Variants in PLCE1 observed in about 807,000 individuals in gnomAD.
PLCE1 encodes phospholipase C epsilon 1.
Under a neutral mutation model 242.8 loss-of-function variants are expected in PLCE1, and 119 were observed. The observed-to-expected ratio is 0.49, with a 90% confidence interval of 0.42 to 0.57. The LOEUF (loss-of-function observed/expected upper bound fraction) is 0.57, where lower values mean the gene tolerates loss of function less well. PLCE1 is among the 20% of genes least tolerant of loss of function. The pLI is 0.00. For missense variants in PLCE1, 2,441 were observed against 2,788.8 expected (o/e 0.88, Z 2.81); for synonymous variants, 945 against 1,017.4 (o/e 0.93, Z 1.35).
At chr10:94,264,604 C>A (rs1417922815) in intron 14 of PLCE1, among the ~76,000 whole-genome samples, 1 of 147,880 alleles carries the variant, frequency 6.8e-6, no homozygotes, top group Non-Finnish European at 1.5e-5. Flanking sequence ...TCACTGCAAC[C>A]TCCGCCTCCC....
chr10:94,320,262 CT>C (rs1194674814), intron 29 of PLCE1, among the ~76,000 whole-genome samples: 2 of 152,006 alleles, frequency 1.3e-5, no homozygotes, highest in Non-Finnish European at 2.9e-5. Context: ...TCTTCCCCCC[CT>C]TCCATTATAT....
chr10:94,158,422 G>A (rs545866602), intron 3 of PLCE1, among the ~76,000 whole-genome samples: 2 of 152,226 alleles, frequency 1.3e-5, no homozygotes, highest in African/African-American at 4.8e-5. Context: ...AATGTAATCA[G>A]AAATAGATGA....
intron 5 of PLCE1, among the ~76,000 whole-genome samples, chr10:94,230,555 C>A (rs1011392132): frequency 6.6e-6 from 1 of 151,812 alleles, no homozygotes; most frequent in African/African-American, 2.4e-5. Flanking sequence ...TAACTCCTGA[C>A]CTCAAGTGAT....
At chr10:94,317,957 TAGA>T (rs1157471276) in intron 29 of PLCE1, among the ~76,000 whole-genome samples, 1 of 152,326 alleles carries the variant, frequency 6.6e-6, no homozygotes, top group Middle Eastern at 3.4e-3. Context: ...GCTTGCCTGA[TAGA>T]AGGTGCCTCA....
intron 1 of PLCE1, among the ~76,000 whole-genome samples, chr10:94,012,256 A>G (rs1478000826): frequency 6.6e-6 from 1 of 151,468 alleles, no homozygotes; most frequent in Non-Finnish European, 1.5e-5. Flanking sequence ...AGCACAGGGA[A>G]CTCTGGTTTA....
intron 4 of PLCE1, among the ~76,000 whole-genome samples, chr10:94,187,826 G>A (rs1185899864): frequency 6.6e-6 from 1 of 152,160 alleles, no homozygotes; most frequent in African/African-American, 2.4e-5. Context: ...CTCATACTTT[G>A]AAAGTTAGAC....
intron 23 of PLCE1, among the ~76,000 whole-genome samples, chr10:94,295,778 C>T (rs763415722): frequency 3.9e-5 from 6 of 152,186 alleles, no homozygotes; most frequent in Non-Finnish European, 5.9e-5. Context: ...AGACTGGATA[C>T]TGTGTTAGCA....
intron 4 of PLCE1, among the ~76,000 whole-genome samples, chr10:94,190,386 A>G (rs1282732951): frequency 6.6e-6 from 1 of 152,178 alleles, no homozygotes; most frequent in African/African-American, 2.4e-5. Context: ...AGGCAAAAGG[A>G]TTGCTTCAGG....
intron 1 of PLCE1, among the ~76,000 whole-genome samples, chr10:94,007,908 TG>T (rs1433563789): frequency 6.6e-6 from 1 of 151,650 alleles, no homozygotes; most frequent in Admixed American, 6.6e-5. Context: ...CCAGGCATGG[TG>T]GCTTATGCTT....
At chr10:94,187,408 A>G (rs756847616) in intron 4 of PLCE1, among the ~76,000 whole-genome samples, 2 of 152,150 alleles carry the variant, frequency 1.3e-5, no homozygotes, top group African/African-American at 4.8e-5. Flanking sequence ...TAGGAAAGCA[A>G]TGATAAGTAA....
chr10:94,183,716 T>A (rs1237158468), intron 4 of PLCE1, among the ~76,000 whole-genome samples: 1 of 152,154 alleles, frequency 6.6e-6, no homozygotes, highest in Non-Finnish European at 1.5e-5. Flanking sequence ...TTACAGGAAA[T>A]GTGGTGCTGG....
intron 4 of PLCE1, among the ~76,000 whole-genome samples, chr10:94,192,035 A>G (rs1360407530): frequency 1.3e-5 from 2 of 152,202 alleles, no homozygotes; most frequent in Non-Finnish European, 2.9e-5. Context: ...TTAATTGTAA[A>G]TTGACATAAT....
At position 94,220,554 on chromosome 10, in the gene PLCE1, G is replaced by A. The variant is rs369733558; in HGVS notation, c.1810-6752G>A. 2.8e-4 allele frequency among the ~76,000 whole-genome samples: 43 copies of A among 151,548 alleles called. 1 individual carries two copies. The East Asian group carries it at 7.2e-3, about 25-fold the overall frequency. ...ACTCGGGGCACAAACCCTTCTCAGG[G>A]CAGTCACAGATTCTTCTTGGTCCAG... On this transcript the variant is annotated intron_variant, in intron 4 of 32. Transcript: ENST00000371380.
chr10:94,255,711 A>G (rs1349411428), intron 11 of PLCE1, among the ~76,000 whole-genome samples: 1 of 152,222 alleles, frequency 6.6e-6, no homozygotes, highest in Non-Finnish European at 1.5e-5. Context: ...TGCAAATTAC[A>G]TATTTGAAAC....
In PLCE1 at chr10:94,132,288, T is replaced by C. The variant is rs2046622845; in HGVS notation, c.1321T>C (p.Cys441Arg). The C allele has an allele frequency of 2.5e-6, 4 of 1,613,850 alleles. No homozygotes were observed. Among genetic ancestry groups the C allele is most frequent in the African/African-American group, 1.3e-5 (1 of 74,842 alleles). The change falls in exon 3 of 33, where the codon TGC becomes CGC. Residue 441 changes from cysteine to arginine, a missense_variant. Cys to Arg is a radical substitution (Grantham distance 180). Around this residue, in one of 5 missense-constraint regions of PLCE1, gnomAD observed 733 missense variants for 754.2 expected, o/e 0.97. Transcript: ENST00000371380. ...CCATGGAAGGATAAGCGTTGGTCCA[T>C]GCTTAAAGCAATGTGTCCGAGACAC... ...TAHGRISVGP[C>R]LKQCVRDTVC...
rs2054158272 is a variant in PLCE1, at chr10:94,331,765, T to C, written c.*3822T>C. The C allele has an allele frequency of 1.3e-5, 2 of 152,134 alleles. No individual in the cohort carries two copies. Among genetic ancestry groups the C allele is most frequent in the Admixed American group, 1.3e-4 (2 of 15,266 alleles). The allele number at this position is 152,134 out of a possible 1,614,324, so 9.4% of individuals were successfully genotyped here. A position where few individuals can be genotyped will look rare whatever the true frequency, so the allele number is the denominator to read the frequency against. On this transcript the variant is annotated 3_prime_UTR_variant, in exon 33 of 33. Transcript: ENST00000371380. ...TCTCTGCCATCCTTATGTAGCAGCT[T>C]CCTAAAAGCAATCCTTGGCTGATGG...
intron 8 of PLCE1, among the ~76,000 whole-genome samples, chr10:94,250,883 C>T (rs959731653): frequency 2.6e-5 from 4 of 152,162 alleles, no homozygotes; most frequent in African/African-American, 9.7e-5. Flanking sequence ...CATTAGGTTT[C>T]ATTCATGAAA....
intron 2 of PLCE1, chr10:94,088,165 C>T (rs2044908817): frequency 6.6e-6 from 1 of 152,246 alleles, no homozygotes; most frequent in Non-Finnish European, 1.5e-5. Context: ...GCTTCACCTT[C>T]TTCACCTGTA....
intron 4 of PLCE1, among the ~76,000 whole-genome samples, chr10:94,172,333 G>A (rs183443572): frequency 6.6e-6 from 1 of 152,244 alleles, no homozygotes; most frequent in Admixed American, 6.5e-5. Flanking sequence ...TACATTTTAT[G>A]TTTTAGATTT....
Sources: allele counts gnomAD v4.1 joint callset (sites outside exome capture counted in the v4.1 genomes callset), GRCh38; gene constraint gnomAD v4.1.1; regional missense constraint gnomAD v4.1.1; transcripts MANE v1.5; gene names NCBI Gene and HGNC (gene_info 2026-07-23, HGNC 2026-07-21).